The following LGMN variants were observed in gnomAD, a reference collection of about 807,000 sequenced individuals.
LGMN encodes the protein asparaginyl endopeptidase.
Under a neutral mutation model 56.8 loss-of-function variants are expected in LGMN, and 36 were observed. That is an observed-to-expected ratio of 0.63 (90% CI 0.49 to 0.84). The LOEUF (loss-of-function observed/expected upper bound fraction) is 0.84, where lower values mean the gene tolerates loss of function less well. Ranked by LOEUF, LGMN falls within the 40% of genes least tolerant of loss-of-function variation. The pLI is 0.00. For synonymous variants in LGMN, 199 were observed against 210.1 expected, an observed-to-expected ratio of 0.95 and a Z score of 0.46; for missense variants, 446 against 556.1, an observed-to-expected ratio of 0.80 and a Z score of 1.99.
At chr14:92,720,126 G>A (rs892503906) in intron 2 of LGMN, among the ~76,000 whole-genome samples, 54 of 152,236 alleles carry the variant, frequency 3.5e-4, no homozygotes, top group African/African-American at 1.3e-3. Context: ...CTGAATGGGT[G>A]AGGTCCAGGG....
In LGMN at chr14:92,732,730, A is replaced by T; in HGVS notation, c.57T>A (p.Pro19=). The change falls in exon 2 of 14, where the codon CCT becomes CCA. Residue 19 remains proline (P), a synonymous_variant. Coordinates refer to ENST00000334869, the MANE Select transcript of LGMN (RefSeq NM_005606.7). The part of the protein sequence containing the change: ...LSVALGIGAV[P]IDDPEDGGKH... The stretch of plus-strand genomic sequence containing the variant: ...TGCCTCCATCTTCAGGATCATCTAT[A>T]GGAACGGCACCAATGCCCAGGGCCA... The T allele has an allele frequency of 6.2e-7, 1 of 1,614,202 alleles. No individual in the cohort carries two copies. The highest frequency in any genetic ancestry group is 8.5e-7 in the Non-Finnish European group (1 of 1,180,026).
At chr14:92,704,431 C>A (rs1889316751) in intron 13 of LGMN, 70 bp from the exon 14 acceptor site, 1 of 1,323,100 alleles carries the variant, frequency 7.6e-7, no homozygotes, top group Admixed American at 1.8e-5. Context: ...AACGCAAACC[C>A]ACATGCGGCA....
chr14:92,708,076 G>A lies in LGMN; in HGVS notation c.1021-1423C>T, dbSNP rs530607969. 7.3e-5 allele frequency among the ~76,000 whole-genome samples: 11 copies of A among 151,612 alleles called. No individual in the cohort carries two copies. In the East Asian group the frequency reaches 1.5e-3, roughly 21 times the overall value. On this transcript the variant is annotated intron_variant, in intron 11 of 13. Coordinates refer to ENST00000334869, the MANE Select transcript of LGMN (RefSeq NM_005606.7). ...TGAGGCAGGAGAATCGCTTGAACCC[G>A]GGAGGCAGAGGTTGCAGTGAGCTGA...
rs748609271 is a variant in LGMN, at chr14:92,716,194, C to G, written c.346G>C (p.Val116Leu). The change falls in exon 5 of 14, where the codon GTG (valine) becomes CTG (leucine). Residue 116 changes from valine to leucine, a missense_variant. Physicochemically the swap from Val to Leu is conservative, Grantham distance 32. Transcript: ENST00000334869. ...ACTGCTTCTGCATCGCCTCTCAACA[C>G]AGCAAGGAAATTTTGTGGGGTAACA... ...EDVTPQNFLAVLRGDAEAVKG... is the reference protein window; with the variant it reads ...EDVTPQNFLALLRGDAEAVKG... 9 of 1,613,494 alleles carry G rather than the reference C, an allele frequency of 5.6e-6. No homozygotes were observed. The Admixed American group carries it at 1.3e-4, about 24-fold the overall frequency.
At chr14:92,729,896 G>A (rs1038527713) in intron 2 of LGMN, among the ~76,000 whole-genome samples, 16 of 152,270 alleles carry the variant, frequency 1.1e-4, no homozygotes, top group East Asian at 7.7e-4. Flanking sequence ...ACTCGGGGAC[G>A]AATATTTCAG....
chr14:92,739,304 G>A (rs943391383), intron 1 of LGMN, among the ~76,000 whole-genome samples: 3 of 152,092 alleles, frequency 2.0e-5, no homozygotes, highest in South Asian at 2.1e-4. Context: ...AAAAGTGAAC[G>A]ACGCCGGCTA....
At chr14:92,740,022 C>T (rs1193292751) in intron 1 of LGMN, among the ~76,000 whole-genome samples, 13 of 152,022 alleles carry the variant, frequency 8.6e-5, no homozygotes, top group Admixed American at 6.5e-4. Flanking sequence ...AGGCCGAGTT[C>T]GGAGGATCAC....
chr14:92,706,700 CT>C, intron 11 of LGMN, 47 bp from the exon 12 acceptor site: 1 of 1,491,960 alleles, frequency 6.7e-7, no homozygotes, highest in Non-Finnish European at 9.1e-7. Flanking sequence ...TGAATGCGGT[CT>C]CTCAGGGACC....
In LGMN at chr14:92,740,205, G is replaced by A. The variant is rs773288678; in HGVS notation, c.-29-7390C>T. ...AGAGGTTGCAGTGAGGCGAGATCGC[G>A]CCATTGCACTCCAGCCTGGGCAACA... On this transcript the variant is annotated intron_variant, in intron 1 of 13. Transcript: ENST00000334869. Among the ~76,000 whole-genome samples the A allele has an allele frequency of 1.7e-4, 26 of 152,176 alleles. 1 individual carries two copies. Among genetic ancestry groups the A allele is most frequent in the Admixed American group, 8.5e-4 (13 of 15,280 alleles).
intron 2 of LGMN, among the ~76,000 whole-genome samples, chr14:92,719,281 GCCGCCGCCGCCGCCGCCGCCA>G (rs1890301099): frequency 5.5e-5 from 1 of 18,100 alleles, no homozygotes; most frequent in Non-Finnish European, 1.0e-4. Flanking sequence ...CGCCGCCACC[GCCGCCGCCGCCGCCGCCGCCA>G]CCGCCGCCAC....
chr14:92,736,612 T>A (rs1250290523), intron 1 of LGMN, among the ~76,000 whole-genome samples: 1 of 152,086 alleles, frequency 6.6e-6, no homozygotes, highest in Non-Finnish European at 1.5e-5. Flanking sequence ...ATAAATAAAA[T>A]AAAGTGAACT....
In LGMN at chr14:92,715,214, G is replaced by GCT. The variant is rs1555397591; in HGVS notation, c.405-764_405-763insAG. 2.7e-5 allele frequency among the ~76,000 whole-genome samples: 4 copies of GCT among 149,036 alleles called. No homozygotes were observed. The East Asian group carries it at 8.0e-4, about 30-fold the overall frequency. ...GGGATTCACACTGTTGGTCAGGGTG[G>GCT]GTGTGTGTGTGTGTGTGTGTTTGAG... On this transcript the variant is annotated intron_variant, in intron 5 of 13. Coordinates refer to ENST00000334869, the MANE Select transcript of LGMN (RefSeq NM_005606.7).
intron 1 of LGMN, among the ~76,000 whole-genome samples, chr14:92,745,824 ATTTTCT>A (rs1206722154): frequency 6.8e-6 from 1 of 146,992 alleles, no homozygotes; most frequent in Non-Finnish European, 1.5e-5. Context: ...GGAGAATCTC[ATTTTCT>A]TTTTTTTTTT....
At chr14:92,719,225 C>CCACCACCACCACCACCAT (rs2140232338) in intron 2 of LGMN, among the ~76,000 whole-genome samples, 1 of 70,014 alleles carries the variant, frequency 1.4e-5, no homozygotes, top group African/African-American at 8.8e-5. Context: ...ACCAACACCA[C>CCACCACCACCACCACCAT]CACCGCCACC....
At chr14:92,738,339 C>T (rs1340888398) in intron 1 of LGMN, among the ~76,000 whole-genome samples, 2 of 150,210 alleles carry the variant, frequency 1.3e-5, no homozygotes, top group African/African-American at 2.5e-5. Context: ...AGTGCAGTGG[C>T]GCTATCTCGG....
Position 92,732,792 on chromosome 14 carries a change from A to T in LGMN, c.-6T>A. 1 of 1,612,314 alleles carries T rather than the reference A, an allele frequency of 6.2e-7. No individual in the cohort carries two copies. The highest frequency in any genetic ancestry group is 8.5e-7 in the Non-Finnish European group (1 of 1,179,500). Reference sequence around the variant, plus strand: ...ACAGCTACTTTCCAAACCATTCTGCACCTTGGAGTTCAATTGCAGACACCT... The same window carrying T: ...ACAGCTACTTTCCAAACCATTCTGCTCCTTGGAGTTCAATTGCAGACACCT... On this transcript the variant is annotated 5_prime_UTR_variant, in exon 2 of 14. Transcript: ENST00000334869.
In LGMN at chr14:92,706,598, G is replaced by T. The variant is rs778389459; in HGVS notation, c.1076C>A (p.Ser359Tyr). 1.2e-6 allele frequency: 2 copies of T among 1,603,040 alleles called. No homozygotes were observed. Among genetic ancestry groups the T allele is most frequent in the East Asian group, 4.5e-5 (2 of 44,702 alleles). ...CAGGAGCTGCTCCACCTCAGCCTCGGACGCTGCCAGCAAGGAGACGATCTT... is the reference window on the plus strand; with the variant it reads ...CAGGAGCTGCTCCACCTCAGCCTCGTACGCTGCCAGCAAGGAGACGATCTT... The part of the protein sequence containing the change: ...VRKIVSLLAA[S>Y]EAEVEQLLSE... The change falls in exon 12 of 14, where the codon TCC becomes TAC. Residue 359 changes from serine to tyrosine, a missense_variant. Coordinates refer to ENST00000334869, the MANE Select transcript of LGMN (RefSeq NM_005606.7).
intron 2 of LGMN, among the ~76,000 whole-genome samples, chr14:92,731,032 A>G (rs1891024341): frequency 6.6e-6 from 1 of 152,144 alleles, no homozygotes; most frequent in Admixed American, 6.5e-5. Context: ...GGGCTGCTCC[A>G]GAGCCAGTTG....
intron 4 of LGMN, 73 bp from the exon 5 acceptor site, chr14:92,716,294 G>A (rs949744474): frequency 3.4e-5 from 36 of 1,050,790 alleles, no homozygotes; most frequent in Non-Finnish European, 4.3e-5. Context: ...GTCTGCAACC[G>A]ACCCATGCCA....
Sources: allele counts gnomAD v4.1 joint callset (sites outside exome capture counted in the v4.1 genomes callset), GRCh38; gene constraint gnomAD v4.1.1; transcripts MANE v1.5; gene names NCBI Gene and HGNC (gene_info 2026-07-23, HGNC 2026-07-21).